The following YES1 variants were observed in gnomAD, a reference collection of about 807,000 sequenced individuals.
The protein encoded by YES1 is YES proto-oncogene 1, Src family tyrosine kinase.
Under a neutral mutation model 70.4 loss-of-function variants are expected in YES1, and 39 were observed. That is an observed-to-expected ratio of 0.55 (90% CI 0.43 to 0.72). YES1 has a LOEUF of 0.72. YES1 is among the 30% of genes least tolerant of loss of function. The probability of loss-of-function intolerance (pLI) is 0.00; values close to 1 mark genes in which losing one functional copy is unlikely to be tolerated. For missense variants in YES1, 495 were observed against 644.8 expected (o/e 0.77, Z 2.52); for synonymous variants, 198 against 218.6 (o/e 0.91, Z 0.83).
chr18:748,160 C>A, intron 3 of YES1, 142 bp from the exon 4 acceptor site: 1 of 646,906 alleles, frequency 1.5e-6, no homozygotes, highest in South Asian at 2.4e-5. Flanking sequence ...AAGAATTAAA[C>A]TCAAAGAATG....
intron 10 of YES1, among the ~76,000 whole-genome samples, chr18:733,611 G>A (rs748385866): frequency 6.6e-6 from 1 of 151,520 alleles, no homozygotes; most frequent in Non-Finnish European, 1.5e-5. Flanking sequence ...GTGAAACCCC[G>A]TCTCTACCAA....
chr18:806,694 A>G (rs1055659936), intron 1 of YES1, among the ~76,000 whole-genome samples: 4 of 152,360 alleles, frequency 2.6e-5, no homozygotes, highest in Non-Finnish European at 5.9e-5. Flanking sequence ...TTACAGTGCA[A>G]GGAGAGGTGT....
chr18:791,020 C>T (rs1568216158), intron 1 of YES1, among the ~76,000 whole-genome samples: 1 of 152,016 alleles, frequency 6.6e-6, no homozygotes, highest in South Asian at 2.1e-4. Context: ...AAGGCCAGGG[C>T]GGGTGGATCA....
At chr18:762,968 A>C (rs1904671602) in intron 1 of YES1, among the ~76,000 whole-genome samples, 1 of 152,358 alleles carries the variant, frequency 6.6e-6, no homozygotes, top group Non-Finnish European at 1.5e-5. Flanking sequence ...AGCTCTGCTT[A>C]AAGCACTTAG....
intron 1 of YES1, among the ~76,000 whole-genome samples, chr18:808,701 ATC>A (rs1459670459): frequency 6.6e-6 from 1 of 152,152 alleles, no homozygotes; most frequent in Non-Finnish European, 1.5e-5. Context: ...CACAGATGAG[ATC>A]TCTTCTTCAA....
intron 11 of YES1, among the ~76,000 whole-genome samples, chr18:731,888 A>T (rs1342967030): frequency 6.9e-6 from 1 of 145,838 alleles, no homozygotes; most frequent in African/African-American, 2.6e-5. Context: ...AATGGCGTGA[A>T]GCTGGGAGGT....
rs751198391 is a variant in YES1 at position 756,610 on chromosome 18, C to A, written c.218G>T (p.Gly73Val). The change falls in exon 2 of 12, where the codon GGT becomes GTT. Residue 73 changes from glycine to valine, a missense_variant. Transcript: ENST00000314574. ...CACCACTGAAAATGAGGAAGATGCA[C>A]CTCCAAAAGGCGTTACCCCTGAGGA... ...GGSSGVTPFG[G>V]ASSSFSVVPS... 4 of 1,614,066 alleles carry A rather than the reference C, an allele frequency of 2.5e-6. No homozygotes were observed. In the Admixed American group the frequency reaches 6.7e-5, roughly 27 times the overall value.
At chr18:781,799 G>A (rs936059908) in intron 1 of YES1, among the ~76,000 whole-genome samples, 1 of 152,002 alleles carries the variant, frequency 6.6e-6, no homozygotes, top group Non-Finnish European at 1.5e-5. Context: ...TATCTTGCAA[G>A]GTTGTAAGAA....
At chr18:803,020 G>A (rs1906905005) in intron 1 of YES1, among the ~76,000 whole-genome samples, 1 of 152,070 alleles carries the variant, frequency 6.6e-6, no homozygotes, top group African/African-American at 2.4e-5. Context: ...TTGAGCCTAG[G>A]GGGTTTAAGA....
At chr18:782,563 A>T (rs899230152) in intron 1 of YES1, among the ~76,000 whole-genome samples, 1 of 152,252 alleles carries the variant, frequency 6.6e-6, no homozygotes, top group Non-Finnish European at 1.5e-5. Context: ...TAAGTGAATT[A>T]GCTGTAATAA....
At chr18:749,895 G>A (rs1414916511) in intron 3 of YES1, among the ~76,000 whole-genome samples, 1 of 151,290 alleles carries the variant, frequency 6.6e-6, no homozygotes, top group African/African-American at 2.4e-5. Context: ...AAATATTCCA[G>A]TAAGACCAAA....
Position 758,651 on chromosome 18 carries a change from A to C in YES1, c.-8-1816T>G, listed in dbSNP as rs1904415391. 2.0e-5 allele frequency among the ~76,000 whole-genome samples: 3 copies of C among 152,198 alleles called. No individual in the cohort carries two copies. The South Asian group carries it at 6.2e-4, about 31-fold the overall frequency. ...CATTCAGGCTTTCCTTATAATCAGT[A>C]AAATATCTTTTCTCTTAAAACCCAC... On this transcript the variant is annotated intron_variant, in intron 1 of 11. Coordinates refer to ENST00000314574, the MANE Select transcript of YES1 (RefSeq NM_005433.4).
At chr18:806,076 A>C (rs966936323) in intron 1 of YES1, among the ~76,000 whole-genome samples, 1 of 152,224 alleles carries the variant, frequency 6.6e-6, no homozygotes, top group African/African-American at 2.4e-5. Context: ...GCATTCCTTC[A>C]CACACATTAC....
At chr18:783,394 C>A (rs1324749351) in intron 1 of YES1, among the ~76,000 whole-genome samples, 1 of 150,826 alleles carries the variant, frequency 6.6e-6, no homozygotes, top group Non-Finnish European at 1.5e-5. Flanking sequence ...AGGGGAAACA[C>A]ACACACACAC....
At chr18:753,670 G>C (rs1192246285) in intron 2 of YES1, among the ~76,000 whole-genome samples, 2 of 152,070 alleles carry the variant, frequency 1.3e-5, no homozygotes, top group African/African-American at 4.8e-5. Context: ...ATTTTTTGTA[G>C]AGATGGGGTT....
At chr18:793,389 T>G (rs2145821036) in intron 1 of YES1, among the ~76,000 whole-genome samples, 1 of 152,278 alleles carries the variant, frequency 6.6e-6, no homozygotes, top group South Asian at 2.1e-4. Flanking sequence ...CAGGCTACAG[T>G]GCAGTGGCAT....
At chr18:749,662 T>C (rs1370223949) in intron 3 of YES1, among the ~76,000 whole-genome samples, 1 of 151,952 alleles carries the variant, frequency 6.6e-6, no homozygotes, top group African/African-American at 2.4e-5. Context: ...GAGACCATCC[T>C]GGCTAACACG....
intron 11 of YES1, among the ~76,000 whole-genome samples, chr18:728,799 C>T (rs2080051766): frequency 6.6e-6 from 1 of 152,220 alleles, no homozygotes; most frequent in African/African-American, 2.4e-5. Context: ...ACTGGGATTA[C>T]AGGCCTGAGC....
At chr18:730,622 C>G (rs2145672104) in intron 11 of YES1, among the ~76,000 whole-genome samples, 1 of 152,282 alleles carries the variant, frequency 6.6e-6, no homozygotes. Flanking sequence ...AAGACTTATG[C>G]TTTCTGTCTG....
Sources: gnomAD v4.1 joint callset for allele counts (sites outside exome capture counted in the v4.1 genomes callset) on GRCh38, gnomAD v4.1.1 for gene constraint, MANE v1.5 for transcripts, NCBI Gene and HGNC (gene_info 2026-07-23, HGNC 2026-07-21) for gene names.